Variants in AKT2 observed in about 807,000 individuals in gnomAD.
AKT2 encodes the protein AKT serine/threonine kinase 2, also known as RAC-beta serine/threonine-protein kinase.
Under a neutral mutation model 58.6 loss-of-function variants are expected in AKT2, and 16 were observed. The ratio of observed to expected loss-of-function variants is 0.27; its 90% CI spans 0.18 to 0.41. The LOEUF is 0.41. Among genes scored for constraint, AKT2 ranks in the 10% least tolerant of loss-of-function variants. The pLI, the probability that AKT2 is intolerant of heterozygous loss-of-function variation, is 1.00. For synonymous variants in AKT2, 253 were observed against 254.0 expected, an observed-to-expected ratio of 1.00 and a Z score of 0.04; for missense variants, 438 against 661.0, an observed-to-expected ratio of 0.66 and a Z score of 3.70.
intron 2 of AKT2, 42 bp from the exon 3 acceptor site, chr19:40,257,096 G>A: frequency 1.2e-6 from 2 of 1,611,182 alleles, no homozygotes; most frequent in Non-Finnish European, 1.7e-6. Flanking sequence ...TTAGGACAAG[G>A]TTGAGTGATG....
intron 1 of AKT2, among the ~76,000 whole-genome samples, chr19:40,269,890 T>C (rs1414793451): frequency 1.3e-5 from 2 of 151,908 alleles, no homozygotes; most frequent in African/African-American, 4.8e-5. Flanking sequence ...TCCCACCCCT[T>C]CTCCGCTCGA....
At position 40,232,328 on chromosome 19, in the gene AKT2, C is replaced by G; in HGVS notation, c.*1544G>C. On this transcript the variant is annotated 3_prime_UTR_variant, in exon 14 of 14. Transcript: ENST00000392038. ...TGGGCTGGCGTGAGTGCAGGCTGGG[C>G]CCTGGTCTGAAATGAGTGTCTTTAT... 4.3e-6 allele frequency: 1 copy of G among 233,852 alleles called. No homozygotes were observed. The highest frequency in any genetic ancestry group is 2.2e-5 in the African/African-American group (1 of 45,464). 14.5% of individuals were successfully genotyped at this position (233,852 alleles called of 1,614,324 possible). A position where few individuals can be genotyped will look rare whatever the true frequency, so the allele number is the denominator to read the frequency against.
chr19:40,263,938 C>T (rs1600081889), intron 2 of AKT2, among the ~76,000 whole-genome samples: 2 of 152,210 alleles, frequency 1.3e-5, no homozygotes, highest in Admixed American at 6.5e-5. Flanking sequence ...CCCCTCTGGC[C>T]GCCCTGCCTG....
In AKT2 at chr19:40,232,643, C is replaced by A; in HGVS notation, c.*1229G>T. 1 of 233,538 alleles carries A rather than the reference C, an allele frequency of 4.3e-6. No individual in the cohort carries two copies. Among genetic ancestry groups the A allele is most frequent in the Non-Finnish European group, 8.5e-6 (1 of 118,254 alleles). The allele number at this position is 233,538 out of a possible 1,614,324, so 14.5% of individuals were successfully genotyped here. ...CCACTAGGTCAGCACCCCTCCCCCA[C>A]AGGATGAAATGCTCGGGCCAGGGAT... On this transcript the variant is annotated 3_prime_UTR_variant, in exon 14 of 14. Coordinates refer to ENST00000392038, the MANE Select transcript of AKT2 (RefSeq NM_001626.6).
chr19:40,233,459 G>C lies in AKT2; in HGVS notation c.*413C>G. On this transcript the variant is annotated 3_prime_UTR_variant, in exon 14 of 14. Transcript: ENST00000392038. This position sits in a 1 kb window ranked among gnomAD's most constrained non-coding sequence, Gnocchi z 4.3. ...CTGGAAGGCAGCACCACTGTCTGCC[G>C]GGTGTCGCGTCCCACCAGAAGGCAG... The C allele has an allele frequency of 1.9e-6, 1 of 526,330 alleles. No homozygotes were observed. Among genetic ancestry groups the C allele is most frequent in the Non-Finnish European group, 3.7e-6 (1 of 272,932 alleles). 32.6% of individuals were successfully genotyped at this position (526,330 alleles called of 1,614,324 possible).
chr19:40,233,864 CA>C lies in AKT2; in HGVS notation c.*7del. 6.2e-7 allele frequency: 1 copy of C among 1,610,430 alleles called. No homozygotes were observed. Among genetic ancestry groups the C allele is most frequent in the South Asian group, 1.1e-5 (1 of 91,056 alleles). On this transcript the variant is annotated 3_prime_UTR_variant, in exon 14 of 14. Transcript: ENST00000392038. This position sits in a 1 kb window ranked among gnomAD's most constrained non-coding sequence, Gnocchi z 4.3. ...AGCGAGCGTGCGTCCTCTGCGTGGG[CA>C]GACTGCTCACTCGCGGATGCTGGCC... is the stretch of plus-strand genomic sequence containing the variant.
intron 10 of AKT2, 36 bp from the exon 11 acceptor site, chr19:40,236,140 GC>G (rs1974011772): frequency 1.2e-6 from 2 of 1,613,338 alleles, no homozygotes; most frequent in South Asian, 2.2e-5. Context: ...TGGGCCCGTG[GC>G]CCTGAGGCTG....
At chr19:40,278,556 A>G (rs2077367409) in intron 1 of AKT2, among the ~76,000 whole-genome samples, 1 of 152,046 alleles carries the variant, frequency 6.6e-6, no homozygotes, top group African/African-American at 2.4e-5. Flanking sequence ...GCAGGAGTAC[A>G]GTGGTGGGAG....
rs1434675370 is a variant in AKT2, at chr19:40,238,560, C to G, written c.708+345G>C. 6.6e-6 allele frequency among the ~76,000 whole-genome samples: 1 copy of G among 152,124 alleles called. No homozygotes were observed. Among genetic ancestry groups the G allele is most frequent in the Non-Finnish European group, 1.5e-5 (1 of 68,016 alleles). ...AATTCACTTCGAGAGGACACGGGAA[C>G]GGAGGGCTGCTAGGTTTTAACCCTT... is the stretch of plus-strand genomic sequence containing the variant. On this transcript the variant is annotated intron_variant, in intron 8 of 13. Coordinates refer to ENST00000392038, the MANE Select transcript of AKT2 (RefSeq NM_001626.6). This position sits in a 1 kb window ranked among gnomAD's most constrained non-coding sequence, Gnocchi z 5.1.
intron 9 of AKT2, chr19:40,236,969 C>A: frequency 5.6e-6 from 1 of 178,280 alleles, no homozygotes; most frequent in Non-Finnish European, 1.2e-5. Flanking sequence ...CCTGTGTGCC[C>A]CTCCCGGTTA....
intron 4 of AKT2, among the ~76,000 whole-genome samples, chr19:40,253,818 C>T (rs68028164): frequency 0.024 from 3,690 of 151,680 alleles, 139 homozygotes; most frequent in African/African-American, 0.08. Flanking sequence ...CAATAAAGAA[C>T]GGCTAAATAA....
In AKT2 at chr19:40,237,718, C is replaced by T; in HGVS notation, c.831+251G>A. The T allele has an allele frequency of 3.9e-6, 2 of 510,696 alleles. No individual in the cohort carries two copies. Among genetic ancestry groups the T allele is most frequent in the East Asian group, 3.6e-5 (1 of 27,798 alleles). The allele number at this position is 510,696 out of a possible 1,614,324, so 31.6% of individuals were successfully genotyped here. On this transcript the variant is annotated intron_variant, in intron 9 of 13. Transcript: ENST00000392038. The surrounding 1 kb of genome is among the most constrained non-coding windows in gnomAD (Gnocchi z 4.5). Reference sequence around the variant, plus strand: ...GTGGCCTAGGAGCGCTCATGGGAGGCTTGGGAAGGTCCCTACTTGGGGCAA... The same window carrying T: ...GTGGCCTAGGAGCGCTCATGGGAGGTTTGGGAAGGTCCCTACTTGGGGCAA...
chr19:40,265,142 G>T, intron 2 of AKT2, 80 bp downstream of exon 2: 1 of 1,560,862 alleles, frequency 6.4e-7, no homozygotes. Context: ...AAGACCCTCC[G>T]CCTCTGCCTC....
chr19:40,260,855 G>C (rs1975897572), intron 2 of AKT2, among the ~76,000 whole-genome samples: 1 of 152,172 alleles, frequency 6.6e-6, no homozygotes, highest in South Asian at 2.1e-4. Flanking sequence ...GGCTGAGGCA[G>C]GAGGATCACT....
chr19:40,270,058 T>C (rs543741257), intron 1 of AKT2, among the ~76,000 whole-genome samples: 1 of 152,206 alleles, frequency 6.6e-6, no homozygotes, highest in African/African-American at 2.4e-5. Context: ...CCTCAGGGCC[T>C]TGCAGGCACT....
chr19:40,269,736 T>A (rs1020923835), intron 1 of AKT2: 1 of 152,166 alleles, frequency 6.6e-6, no homozygotes, highest in Non-Finnish European at 1.5e-5. Flanking sequence ...AGATCCACAG[T>A]AGAACACTAC....
chr19:40,244,327 T>A (rs764506101), intron 4 of AKT2: 2 of 150,702 alleles, frequency 1.3e-5, no homozygotes, highest in Non-Finnish European at 3.0e-5. Flanking sequence ...GCCTGTGGTC[T>A]CAGCTACTCA....
intron 1 of AKT2, among the ~76,000 whole-genome samples, chr19:40,271,212 CATAT>C (rs57995088): frequency 4.3e-5 from 6 of 140,028 alleles, no homozygotes; most frequent in African/African-American, 1.4e-4. Flanking sequence ...TACATACATA[CATAT>C]ATATATATAT....
At position 40,242,440 on chromosome 19, in the gene AKT2, C is replaced by A. The variant is rs1044221119; in HGVS notation, c.441+94G>T. ...GCAGCCTTGTCTCTCAGCTGAGCCC[C>A]CTGAACTGTGTTATGGAAACCAAGG... is the stretch of plus-strand genomic sequence containing the variant. On this transcript the variant is annotated intron_variant, in intron 5 of 13. Coordinates refer to ENST00000392038, the MANE Select transcript of AKT2 (RefSeq NM_001626.6). The surrounding 1 kb of genome is among the most constrained non-coding windows in gnomAD (Gnocchi z 4.3). 2.5e-6 allele frequency: 4 copies of A among 1,571,934 alleles called. No homozygotes were observed. The Admixed American group carries it at 6.7e-5, about 26-fold the overall frequency.
Sources: gnomAD v4.1 joint callset for allele counts (sites outside exome capture counted in the v4.1 genomes callset) on GRCh38, gnomAD v4.1.1 for gene constraint, Gnocchi (gnomAD v3.1) non-coding constraint, MANE v1.5 for transcripts, NCBI Gene and HGNC (gene_info 2026-07-23, HGNC 2026-07-21) for gene names.